The following USP54 variants were observed in gnomAD, a reference collection of about 807,000 sequenced individuals.
USP54 encodes the protein ubiquitin specific peptidase 54, also known as ubiquitin carboxyl-terminal hydrolase 54.
In USP54, 87 loss-of-function variants were observed where a neutral mutation model predicts 170.5. The observed-to-expected ratio is 0.51, with a 90% confidence interval of 0.43 to 0.61. The LOEUF (loss-of-function observed/expected upper bound fraction) is 0.61. USP54 is among the 20% of genes least tolerant of loss of function. The pLI is 0.00. For synonymous variants in USP54, 655 were observed against 742.8 expected (o/e 0.88, Z 1.92); for missense variants, 1,786 against 2,047.8 (o/e 0.87, Z 2.47).
intron 20 of USP54, chr10:73,506,275 A>C (rs544025754): frequency 3.9e-5 from 6 of 152,350 alleles, no homozygotes; most frequent in African/African-American, 1.2e-4. Context: ...GCTCCTCAGG[A>C]ATGTTTTACA....
chr10:73,500,786 G>A lies in USP54; in HGVS notation c.4364C>T (p.Ser1455Phe). Residue 1455 changes from serine to phenylalanine, a missense_variant, in exon 23 of 24, where the codon TCC (serine) becomes TTC (phenylalanine). Transcript: ENST00000687698. The part of the protein sequence containing the change: ...PLETGHRCSS[S>F]SSLPVIHDPS... ...GTCATGGATGACAGGGAGGGAAGAG[G>A]AGCTGGAACAACGGTGCCCGGTTTC... The A allele has an allele frequency of 6.2e-7, 1 of 1,601,238 alleles. No individual in the cohort carries two copies. Among genetic ancestry groups the A allele is most frequent in the Admixed American group, 1.8e-5 (1 of 56,492 alleles).
At chr10:73,621,323 G>A (rs1219949603) in intron 1 of USP54, among the ~76,000 whole-genome samples, 5 of 149,132 alleles carry the variant, frequency 3.4e-5, no homozygotes, top group East Asian at 3.9e-4. Context: ...GTATGAAGGC[G>A]GGGCACAGTG....
At chr10:73,536,205 G>A (rs746955058) in intron 11 of USP54, 64 bp downstream of exon 11, 4 of 1,578,282 alleles carry the variant, frequency 2.5e-6, no homozygotes, top group Non-Finnish European at 3.5e-6. Context: ...AATTAACTAT[G>A]AGTCCCAACT....
At chr10:73,508,977 T>TTTTTG (rs2059717575) in intron 20 of USP54, among the ~76,000 whole-genome samples, 1 of 151,064 alleles carries the variant, frequency 6.6e-6, no homozygotes, top group African/African-American at 2.4e-5. Context: ...AACATGTTTT[T>TTTTTG]TTTTTTTTTT....
chr10:73,600,618 A>C (rs2079090830), intron 1 of USP54, among the ~76,000 whole-genome samples: 1 of 152,182 alleles, frequency 6.6e-6, no homozygotes, highest in African/African-American at 2.4e-5. Context: ...AGAGTCAAAA[A>C]ACTACCTATC....
intron 20 of USP54, among the ~76,000 whole-genome samples, chr10:73,508,972 GTTTT>G (rs945752651): frequency 7.5e-6 from 1 of 133,562 alleles, no homozygotes. Flanking sequence ...GCCAGAACAT[GTTTT>G]TTTTTTTTTT....
intron 19 of USP54, 36 bp downstream of exon 19, chr10:73,519,761 T>C (rs2061622979): frequency 6.2e-7 from 1 of 1,612,140 alleles, no homozygotes; most frequent in South Asian, 1.1e-5. Context: ...TTTCTTCCCC[T>C]GGCATTCATA....
chr10:73,513,614 T>C (rs1270930305), intron 20 of USP54: 6 of 152,206 alleles, frequency 3.9e-5, no homozygotes, highest in Admixed American at 3.3e-4. Flanking sequence ...GAGAAAGTCA[T>C]GATACTAAAC....
At chr10:73,578,488 T>C (rs771959611) in intron 1 of USP54, among the ~76,000 whole-genome samples, 1 of 152,188 alleles carries the variant, frequency 6.6e-6, no homozygotes, top group Non-Finnish European at 1.5e-5. Context: ...ATTGGCTCAC[T>C]GCAGCCTCCG....
chr10:73,522,149 T>C (rs1454116675), intron 17 of USP54, among the ~76,000 whole-genome samples: 1 of 152,190 alleles, frequency 6.6e-6, no homozygotes, highest in African/African-American at 2.4e-5. Context: ...TTGAGAGCAA[T>C]GGGAAGACAA....
chr10:73,565,408 C>T (rs572041762), intron 4 of USP54, among the ~76,000 whole-genome samples: 2 of 151,846 alleles, frequency 1.3e-5, no homozygotes, highest in South Asian at 2.1e-4. Context: ...CCCAGCTACT[C>T]GGGAGGCAGA....
At chr10:73,510,190 C>T (rs2059973621) in intron 20 of USP54, among the ~76,000 whole-genome samples, 1 of 151,742 alleles carries the variant, frequency 6.6e-6, no homozygotes, top group Middle Eastern at 3.2e-3. Context: ...CAAAAATTAG[C>T]CTGGCATGGT....
At chr10:73,575,396 C>T in intron 3 of USP54, 116 bp downstream of exon 3, 1 of 1,198,232 alleles carries the variant, frequency 8.3e-7, no homozygotes, top group East Asian at 2.8e-5. Context: ...AAAATTATCT[C>T]AGGTTACTAA....
Position 73,520,914 on chromosome 10 carries a change from C to T in USP54, c.2476G>A (p.Ala826Thr). Residue 826 changes from alanine to threonine, a missense_variant, in exon 18 of 24, where the codon GCT (alanine) becomes ACT (threonine). By Grantham distance (58) the Ala-to-Thr change is moderately conservative. Around this residue, in one of 3 missense-constraint regions of USP54, gnomAD observed 1,418 missense variants for 1,569.0 expected, o/e 0.90. Coordinates refer to ENST00000687698, the MANE Select transcript of USP54 (RefSeq NM_001391956.1). ...CAAALALCNE[A>T]ISKLRLALHG... is the part of the protein sequence containing the mutation. ...AGCAGTTAGAGTTACTTACAGATAG[C>T]TTCATTACAGAGAGCCAAAGCTGCA... 3 of 1,614,160 alleles carry T rather than the reference C, an allele frequency of 1.9e-6. No individual in the cohort carries two copies. Among genetic ancestry groups the T allele is most frequent in the Non-Finnish European group, 2.5e-6 (3 of 1,180,030 alleles).
upstream of USP54, among the ~76,000 whole-genome samples, chr10:73,593,545 C>T (rs2078471544): frequency 6.6e-6 from 1 of 152,054 alleles, no homozygotes. Context: ...TGACTAGTTA[C>T]AACAGTACTT....
At chr10:73,570,475 A>G (rs1279625754) in intron 4 of USP54, among the ~76,000 whole-genome samples, 1 of 151,422 alleles carries the variant, frequency 6.6e-6, no homozygotes, top group Non-Finnish European at 1.5e-5. Flanking sequence ...GGTATAAAAG[A>G]ATCTTTTAAG....
chr10:73,498,864 G>C lies in USP54; in HGVS notation c.4820C>G (p.Ser1607Cys), dbSNP rs1050962842. Reference protein sequence around the residue: ...PPIVHPVYPPSSSLHVPLRSA... With the variant: ...PPIVHPVYPPCSSLHVPLRSA... ...CCTCAGGGGTACATGAAGACTGCTA[G>C]ATGGTGGGTACACAGGATGAACAAT... Residue 1607 changes from serine to cysteine, a missense_variant, in exon 24 of 24, where the codon TCT (serine) becomes TGT (cysteine). Ser to Cys is a moderately radical substitution (Grantham distance 112, BLOSUM62 -1). Transcript: ENST00000687698. 1 of 1,370,916 alleles carries C rather than the reference G, an allele frequency of 7.3e-7. No homozygotes were observed. The highest frequency in any genetic ancestry group is 1.2e-5 in the South Asian group (1 of 86,604). 84.9% of individuals were successfully genotyped at this position (1,370,916 alleles called of 1,614,324 possible).
intron 20 of USP54, among the ~76,000 whole-genome samples, chr10:73,512,706 G>A (rs868672980): frequency 6.6e-6 from 1 of 151,708 alleles, no homozygotes; most frequent in Middle Eastern, 3.2e-3. Flanking sequence ...AATATATTGA[G>A]AATAGATTGA....
chr10:73,577,204 C>T (rs2076233400), intron 1 of USP54, among the ~76,000 whole-genome samples: 1 of 152,136 alleles, frequency 6.6e-6, no homozygotes, highest in Non-Finnish European at 1.5e-5. Flanking sequence ...GTTAAATTTG[C>T]CAACATCAAC....
Sources: allele counts gnomAD v4.1 joint callset (sites outside exome capture counted in the v4.1 genomes callset), GRCh38; gene constraint gnomAD v4.1.1; regional missense constraint gnomAD v4.1.1; transcripts MANE v1.5; gene names NCBI Gene and HGNC (gene_info 2026-07-23, HGNC 2026-07-21).